Variants in CSGALNACT1 observed in about 807,000 individuals in gnomAD.
CSGALNACT1 encodes chondroitin sulfate N-acetylgalactosaminyltransferase 1, also known as beta4GalNAcT-1.
CSGALNACT1 carries 52 observed loss-of-function variants against 51.0 expected under a neutral mutation model. That is an observed-to-expected ratio of 1.02 (90% CI 0.82 to 1.29). The LOEUF is 1.29. Ranked by LOEUF, CSGALNACT1 falls within the 50% of genes most tolerant of loss-of-function variation. The pLI is 0.00. For missense variants in CSGALNACT1, 935 were observed against 679.2 expected (o/e 1.38, Z -4.19); for synonymous variants, 341 against 254.4 (o/e 1.34, Z -3.24).
intron 1 of CSGALNACT1, among the ~76,000 whole-genome samples, chr8:19,726,948 A>C (rs1020582718): frequency 2.0e-5 from 3 of 152,206 alleles, no homozygotes; most frequent in Non-Finnish European, 4.4e-5. Flanking sequence ...CTAGACAGCA[A>C]CCTTAGGAAC....
exon 4 of CSGALNACT1, chr8:19,505,282 C>T: frequency 2.5e-6 from 4 of 1,614,198 alleles, no homozygotes; most frequent in Admixed American, 3.3e-5. Flanking sequence ...AAGGCTGATT[C>T]AATGGCTTCC....
intron 4 of CSGALNACT1, among the ~76,000 whole-genome samples, chr8:19,491,084 GGA>G (rs1491556954): frequency 3.5e-5 from 3 of 86,726 alleles, no homozygotes; most frequent in African/African-American, 1.2e-4. Flanking sequence ...CTACCACTCA[GGA>G]AAAAAAAAAA....
intron 3 of CSGALNACT1, among the ~76,000 whole-genome samples, chr8:19,544,947 T>C (rs1254479299): frequency 1.3e-5 from 2 of 151,858 alleles, no homozygotes; most frequent in African/African-American, 4.8e-5. Flanking sequence ...AAAGGAGAAG[T>C]TTTCAAAGAA....
chr8:19,578,391 G>A (rs886330158), intron 3 of CSGALNACT1, among the ~76,000 whole-genome samples: 4 of 152,200 alleles, frequency 2.6e-5, no homozygotes, highest in African/African-American at 4.8e-5. Context: ...TCAGCCACCT[G>A]TGATCCTGCT....
chr8:19,568,803 CCT>C (rs372045941), intron 3 of CSGALNACT1, among the ~76,000 whole-genome samples: 2 of 152,078 alleles, frequency 1.3e-5, no homozygotes, highest in African/African-American at 4.8e-5. Context: ...TCCATAGCTC[CCT>C]GTTAGAGCTA....
intron 2 of CSGALNACT1, among the ~76,000 whole-genome samples, chr8:19,597,460 A>G (rs1016327326): frequency 6.6e-6 from 1 of 151,416 alleles, no homozygotes; most frequent in African/African-American, 2.4e-5. Context: ...AAGCCTAGCT[A>G]ATTTTATTTA....
upstream of CSGALNACT1, among the ~76,000 whole-genome samples, chr8:19,686,015 G>A (rs927860325): frequency 3.3e-5 from 5 of 152,298 alleles, no homozygotes; most frequent in Admixed American, 6.5e-5. Context: ...GGACTGTGAC[G>A]TGTTCCTCAA....
chr8:19,503,386 A>T (rs1300942447), intron 4 of CSGALNACT1, among the ~76,000 whole-genome samples: 1 of 152,222 alleles, frequency 6.6e-6, no homozygotes, highest in Non-Finnish European at 1.5e-5. Context: ...TGAGAAAGAT[A>T]GGCCTTACGT....
chr8:19,493,706 G>T (rs1459586483), intron 4 of CSGALNACT1, among the ~76,000 whole-genome samples: 1 of 152,130 alleles, frequency 6.6e-6, no homozygotes, highest in Non-Finnish European at 1.5e-5. Context: ...ATCTTCTATT[G>T]CATGCAATTC....
chr8:19,515,727 AT>A (rs2079395229), intron 3 of CSGALNACT1, among the ~76,000 whole-genome samples: 1 of 151,324 alleles, frequency 6.6e-6, no homozygotes, highest in African/African-American at 2.4e-5. Context: ...TTTTTTTTTT[AT>A]TTTGATTTTT....
At chr8:19,734,025 A>G (rs1198553733) in intron 1 of CSGALNACT1, among the ~76,000 whole-genome samples, 1 of 152,148 alleles carries the variant, frequency 6.6e-6, no homozygotes, top group Admixed American at 6.5e-5. Flanking sequence ...TTCACCCCCC[A>G]ACAATGAACG....
rs143310219 is a variant in CSGALNACT1 at position 19,445,545 on chromosome 8, C to T, written c.852-5614G>A. ...CCTCCAAGGTTCCGTTGCATTCATT[C>T]GTGTACTCTTCTCTTTCATTCATTC... On this transcript the variant is annotated intron_variant, in intron 5 of 9. Transcript: ENST00000454498. Among the ~76,000 whole-genome samples the T allele has an allele frequency of 3.9e-4, 60 of 152,300 alleles. 1 individual carries two copies. The South Asian group carries it at 8.7e-3, about 22-fold the overall frequency.
At chr8:19,572,488 A>G (rs2043243548) in intron 3 of CSGALNACT1, among the ~76,000 whole-genome samples, 1 of 152,178 alleles carries the variant, frequency 6.6e-6, no homozygotes, top group Admixed American at 6.5e-5. Flanking sequence ...AGCCTTACCT[A>G]TGGCCAAGGC....
chr8:19,474,404 G>C (rs561316718), intron 4 of CSGALNACT1, among the ~76,000 whole-genome samples: 73 of 152,058 alleles, frequency 4.8e-4, no homozygotes, highest in African/African-American at 1.6e-3. Flanking sequence ...TTTATATTTG[G>C]AAATGTATAG....
At chr8:19,546,471 C>CTACT (rs2086497597) in intron 3 of CSGALNACT1, among the ~76,000 whole-genome samples, 1 of 152,152 alleles carries the variant, frequency 6.6e-6, no homozygotes, top group Admixed American at 6.5e-5. Context: ...CTATGCCTCA[C>CTACT]TACTCTTCAA....
At chr8:19,451,620 C>T (rs2153802086) in intron 5 of CSGALNACT1, among the ~76,000 whole-genome samples, 1 of 152,312 alleles carries the variant, frequency 6.6e-6, no homozygotes, top group East Asian at 1.9e-4. Context: ...GCCGGGTGAG[C>T]TGTTTTCTGC....
At chr8:19,492,237 A>G (rs1182093186) in intron 4 of CSGALNACT1, among the ~76,000 whole-genome samples, 1 of 152,192 alleles carries the variant, frequency 6.6e-6, no homozygotes, top group African/African-American at 2.4e-5. Flanking sequence ...AGCCCTCACA[A>G]TGAGATCAAC....
intron 1 of CSGALNACT1, among the ~76,000 whole-genome samples, chr8:19,612,874 G>A (rs896311474): frequency 1.4e-5 from 2 of 139,844 alleles, no homozygotes; most frequent in African/African-American, 5.3e-5. Context: ...AACTAAATAA[G>A]GCAGTTGTAA....
intron 6 of CSGALNACT1, among the ~76,000 whole-genome samples, chr8:19,427,476 A>G (rs1169412322): frequency 6.6e-6 from 1 of 152,222 alleles, no homozygotes; most frequent in East Asian, 1.9e-4. Flanking sequence ...GGCCTCCAGC[A>G]TGGAGTTTCC....
Sources: gnomAD v4.1 joint callset for allele counts (sites outside exome capture counted in the v4.1 genomes callset) on GRCh38, gnomAD v4.1.1 for gene constraint, MANE v1.5 for transcripts, NCBI Gene and HGNC (gene_info 2026-07-23, HGNC 2026-07-21) for gene names.